Variants in PIK3R5 observed in about 807,000 individuals in gnomAD.
The protein encoded by PIK3R5 is phosphoinositide-3-kinase regulatory subunit 5.
Under a neutral mutation model 94.9 loss-of-function variants are expected in PIK3R5, and 32 were observed. The observed-to-expected ratio is 0.34, with a 90% CI of 0.25 to 0.45. The LOEUF is 0.45. Ranked by LOEUF, PIK3R5 falls within the 20% of genes least tolerant of loss-of-function variation. PIK3R5 has a pLI of 1.00. For synonymous variants in PIK3R5, 443 were observed against 479.4 expected, an observed-to-expected ratio of 0.92 and a Z score of 0.99; for missense variants, 853 against 1,144.6, an observed-to-expected ratio of 0.75 and a Z score of 3.68.
chr17:8,915,470 C>T (rs1174494033), intron 1 of PIK3R5, among the ~76,000 whole-genome samples: 1 of 151,972 alleles, frequency 6.6e-6, no homozygotes, highest in Admixed American at 6.6e-5. Flanking sequence ...GTGAGCCCCA[C>T]CACATCTATC....
At chr17:8,905,835 T>TC (rs1347383805) in intron 3 of PIK3R5, 98 bp from the exon 4 acceptor site, 2 of 570,488 alleles carry the variant, frequency 3.5e-6, no homozygotes, top group African/African-American at 4.0e-5. Context: ...GCCTTTCTTT[T>TC]TTTTTTTTTT....
At chr17:8,924,778 CAG>C (rs1050896010) in intron 1 of PIK3R5, among the ~76,000 whole-genome samples, 10 of 152,196 alleles carry the variant, frequency 6.6e-5, no homozygotes, top group African/African-American at 2.4e-4. Context: ...AACAAGAAAA[CAG>C]ATACTCATCA....
intron 1 of PIK3R5, among the ~76,000 whole-genome samples, chr17:8,939,933 T>C (rs1460735432): frequency 6.6e-6 from 1 of 152,192 alleles, no homozygotes; most frequent in Non-Finnish European, 1.5e-5. Flanking sequence ...TCTGGAAAGC[T>C]CCAAATAGAG....
rs1244396108 is a variant in PIK3R5, at chr17:8,935,639, C to T, written c.-13-24132G>A. 1.3e-5 allele frequency among the ~76,000 whole-genome samples: 2 copies of T among 152,174 alleles called. No individual in the cohort carries two copies. The highest frequency in any genetic ancestry group is 3.8e-4 in the East Asian group (2 of 5,200). On this transcript the variant is annotated intron_variant, in intron 1 of 18. Coordinates refer to ENST00000447110, the MANE Select transcript of PIK3R5 (RefSeq NM_001142633.3). The surrounding 1 kb of genome is among the most constrained non-coding windows in gnomAD (Gnocchi z 4.5). Reference sequence around the variant, plus strand: ...CTGTACATTGTGCTCTCCCCTCACCCTATCCCCATGCTAAATAAGAAGGCA... The same window carrying T: ...CTGTACATTGTGCTCTCCCCTCACCTTATCCCCATGCTAAATAAGAAGGCA...
At chr17:8,947,940 G>A (rs897557608) in intron 1 of PIK3R5, among the ~76,000 whole-genome samples, 4 of 151,102 alleles carry the variant, frequency 2.6e-5, no homozygotes, top group Non-Finnish European at 5.9e-5. Context: ...CTACTTGGGA[G>A]GCTGAAGCAA....
In PIK3R5 at chr17:8,880,753, C is replaced by A; in HGVS notation, c.2529G>T (p.Lys843Asn). Residue 843 changes from lysine to asparagine, a missense_variant, in exon 19 of 19, where the codon AAG (lysine) becomes AAT (asparagine). Coordinates refer to ENST00000447110, the MANE Select transcript of PIK3R5 (RefSeq NM_001142633.3). ...TCTGGGGTGGTGAGGAGAGGTCGCT[C>A]TTCTCTGGCTTGTAGCACGGTGAGA... ...CEVSPCYKPEKSDLSSPPQTP... is the reference protein window; with the variant it reads ...CEVSPCYKPENSDLSSPPQTP... The A allele has an allele frequency of 6.2e-7, 1 of 1,613,834 alleles. No homozygotes were observed. Among genetic ancestry groups the A allele is most frequent in the Non-Finnish European group, 8.5e-7 (1 of 1,179,828 alleles).
chr17:8,888,651 A>T lies in PIK3R5; in HGVS notation c.1136T>A (p.Phe379Tyr). The T allele has an allele frequency of 6.2e-7, 1 of 1,613,736 alleles. No homozygotes were observed. ...CATGCCATCAGAGAGGCCTGAGACA[A>T]AGGAAGTCAGCAGATGGCGCGAGAG... ...PALSRHLLTS[F>Y]VSGLSDGMDS... The change falls in exon 10 of 19, where the codon TTT becomes TAT. Residue 379 changes from phenylalanine to tyrosine, a missense_variant. Physicochemically the swap from Phe to Tyr is conservative, Grantham distance 22 (BLOSUM62 3). Around this residue, in one of 6 missense-constraint regions of PIK3R5, gnomAD observed 319 missense variants for 339.8 expected, o/e 0.94. Coordinates refer to ENST00000447110, the MANE Select transcript of PIK3R5 (RefSeq NM_001142633.3). This position sits in a 1 kb window ranked among gnomAD's most constrained non-coding sequence, Gnocchi z 7.8.
rs1413819066 is a variant in PIK3R5, at chr17:8,888,844, C to T, written c.943G>A (p.Gly315Arg). ...LLKEQELLQP[G>R]ILGDDEEEEE... ...TCCTCTTCATCATCTCCCAGGATCC[C>T]TGGCTGGAGTAGCTCCTGTTCCTTG... Residue 315 changes from glycine to arginine, a missense_variant, in exon 10 of 19, where the codon GGG (glycine) becomes AGG (arginine). Gly to Arg is a moderately radical substitution (Grantham distance 125). Transcript: ENST00000447110. This position sits in a 1 kb window ranked among gnomAD's most constrained non-coding sequence, Gnocchi z 7.8. 1 of 1,607,468 alleles carries T rather than the reference C, an allele frequency of 6.2e-7. No individual in the cohort carries two copies. Among genetic ancestry groups the T allele is most frequent in the South Asian group, 1.1e-5 (1 of 91,078 alleles).
rs1353266133 is a variant in PIK3R5, at chr17:8,935,925, G to T, written c.-13-24418C>A. ...AAAAATTAGCCGGGCGTGGTGGCGG[G>T]CACCTGTAGTCCCAGCTACTCGGGA... On this transcript the variant is annotated intron_variant, in intron 1 of 18. Coordinates refer to ENST00000447110, the MANE Select transcript of PIK3R5 (RefSeq NM_001142633.3). This position sits in a 1 kb window ranked among gnomAD's most constrained non-coding sequence, Gnocchi z 4.5. Among the ~76,000 whole-genome samples the T allele has an allele frequency of 6.6e-6, 1 of 151,958 alleles. No homozygotes were observed. Among genetic ancestry groups the T allele is most frequent in the Non-Finnish European group, 1.5e-5 (1 of 67,968 alleles).
chr17:8,954,060 A>G (rs1023720513), intron 1 of PIK3R5, among the ~76,000 whole-genome samples: 6 of 151,724 alleles, frequency 4.0e-5, no homozygotes, highest in African/African-American at 1.5e-4. Context: ...TTCCTCTGCA[A>G]AAAAAAAGAA....
rs375790158 is a variant in PIK3R5, at chr17:8,889,952, C to G, written c.811+21G>C. The stretch of plus-strand genomic sequence containing the variant: ...AGGCCATGGGGAATGTGGGAGAACC[C>G]CATTCTCCCAAGAGCCTCACCTAAC... On this transcript the variant is annotated intron_variant, in intron 8 of 18. Transcript: ENST00000447110. The surrounding 1 kb of genome is among the most constrained non-coding windows in gnomAD (Gnocchi z 4.1). The G allele has an allele frequency of 1.2e-6, 2 of 1,611,910 alleles. No homozygotes were observed. Among genetic ancestry groups the G allele is most frequent in the South Asian group, 2.2e-5 (2 of 91,040 alleles).
intron 1 of PIK3R5, among the ~76,000 whole-genome samples, chr17:8,954,669 C>T (rs2091437129): frequency 6.6e-6 from 1 of 152,192 alleles, no homozygotes; most frequent in South Asian, 2.1e-4. Context: ...GGTGCGGTGG[C>T]TCATGCCTTT....
chr17:8,935,790 C>T lies in PIK3R5; in HGVS notation c.-13-24283G>A, dbSNP rs1431581115. ...GAAGACAAGGCCACGCATGGTGGCT[C>T]ACGCTTGTAATCCCAGCACTTTGGG... is the stretch of plus-strand genomic sequence containing the variant. On this transcript the variant is annotated intron_variant, in intron 1 of 18. Coordinates refer to ENST00000447110, the MANE Select transcript of PIK3R5 (RefSeq NM_001142633.3). This position sits in a 1 kb window ranked among gnomAD's most constrained non-coding sequence, Gnocchi z 4.5. Among the ~76,000 whole-genome samples, 2 of 152,106 alleles carry T rather than the reference C, an allele frequency of 1.3e-5. No homozygotes were observed. Among genetic ancestry groups the T allele is most frequent in the Non-Finnish European group, 1.5e-5 (1 of 68,008 alleles).
chr17:8,906,828 A>G (rs1350433504), intron 3 of PIK3R5, among the ~76,000 whole-genome samples: 4 of 152,240 alleles, frequency 2.6e-5, no homozygotes, highest in Non-Finnish European at 5.9e-5. Context: ...TAGTGCAACT[A>G]GAATTTCACC....
chr17:8,899,196 C>A (rs1221172183), intron 5 of PIK3R5, among the ~76,000 whole-genome samples: 2 of 152,182 alleles, frequency 1.3e-5, no homozygotes, highest in Non-Finnish European at 2.9e-5. Context: ...AGGCACTGGG[C>A]GATCATACGG....
intron 1 of PIK3R5, chr17:8,916,949 A>G (rs924728105): frequency 2.6e-5 from 4 of 152,274 alleles, no homozygotes; most frequent in Non-Finnish European, 4.4e-5. Context: ...GTGTTCTGGA[A>G]TATTCTAGGC....
intron 14 of PIK3R5, among the ~76,000 whole-genome samples, chr17:8,885,516 T>C (rs441710): frequency 7.9e-5 from 4 of 50,434 alleles, no homozygotes; most frequent in Non-Finnish European, 1.1e-4. Flanking sequence ...CCTGGGTAAC[T>C]CCATCTTCCC....
chr17:8,944,353 T>C (rs1371651882), intron 1 of PIK3R5, among the ~76,000 whole-genome samples: 3 of 152,220 alleles, frequency 2.0e-5, no homozygotes, highest in Admixed American at 6.5e-5. Context: ...GTTGATTCCA[T>C]GTCTTTGCTG....
At chr17:8,938,478 C>G (rs1452196524) in intron 1 of PIK3R5, among the ~76,000 whole-genome samples, 5 of 152,150 alleles carry the variant, frequency 3.3e-5, no homozygotes, top group Non-Finnish European at 7.4e-5. Flanking sequence ...ACTATCTGAT[C>G]CCAGAATATT....
Sources: gnomAD v4.1 joint callset for allele counts (sites outside exome capture counted in the v4.1 genomes callset) on GRCh38, gnomAD v4.1.1 for gene constraint, gnomAD v4.1.1 regional missense constraint, Gnocchi (gnomAD v3.1) non-coding constraint, MANE v1.5 for transcripts, NCBI Gene and HGNC (gene_info 2026-07-23, HGNC 2026-07-21) for gene names.